RLF: variants seen among roughly 807,000 people sequenced by gnomAD.
RLF encodes the protein RLF zinc finger.
In RLF, 7 loss-of-function variants were observed where a neutral mutation model predicts 162.9. The ratio of observed to expected loss-of-function variants is 0.04; its 90% CI spans 0.02 to 0.08. The LOEUF (loss-of-function observed/expected upper bound fraction) is 0.08, where lower values mean the gene tolerates loss of function less well. Among genes scored for constraint, RLF ranks in the 10% least tolerant of loss-of-function variants. The probability of loss-of-function intolerance (pLI) is 1.00; values close to 1 mark genes in which losing one functional copy is unlikely to be tolerated. For missense variants in RLF, 1,664 were observed against 2,244.7 expected, an observed-to-expected ratio of 0.74 and a Z score of 5.23; for synonymous variants, 782 against 791.5, an observed-to-expected ratio of 0.99 and a Z score of 0.20.
chr1:40,216,455 T>C (rs1642925154), intron 5 of RLF, among the ~76,000 whole-genome samples: 1 of 148,912 alleles, frequency 6.7e-6, no homozygotes, highest in Admixed American at 6.7e-5. Flanking sequence ...GCCATTGCAC[T>C]CCAGCTTGGG....
At chr1:40,185,843 C>CAAAAA (rs33982008) in intron 1 of RLF, among the ~76,000 whole-genome samples, 3 of 67,520 alleles carry the variant, frequency 4.4e-5, no homozygotes, top group African/African-American at 5.8e-5. Context: ...AAAAAAAAAG[C>CAAAAA]AAAAAAAAAA....
intron 6 of RLF, among the ~76,000 whole-genome samples, chr1:40,224,039 T>G (rs1445091120): frequency 6.6e-6 from 1 of 152,244 alleles, no homozygotes; most frequent in Non-Finnish European, 1.5e-5. Flanking sequence ...AGGTTTTCAG[T>G]ACGAATAATA....
rs759543401 is a variant in RLF, at chr1:40,237,510, C to T, written c.2808C>T (p.Ser936=). The part of the protein sequence containing the change: ...LLSNEKVFGP[S]SLKEKCSSMA... ...CTAATGAGAAAGTCTTTGGGCCCTC[C>T]AGTTTAAAAGAAAAATGTTCCAGTA... is the stretch of plus-strand genomic sequence containing the variant. The change falls in exon 8 of 8, where the codon TCC becomes TCT. Residue 936 remains serine, a synonymous_variant. Coordinates refer to ENST00000372771, the MANE Select transcript of RLF (RefSeq NM_012421.4). This position sits in a 1 kb window ranked among gnomAD's most constrained non-coding sequence, Gnocchi z 4.4. 2 of 1,613,910 alleles carry T rather than the reference C, an allele frequency of 1.2e-6. No individual in the cohort carries two copies. Among genetic ancestry groups the T allele is most frequent in the South Asian group, 2.2e-5 (2 of 91,066 alleles).
At chr1:40,178,434 G>C (rs1283765641) in intron 1 of RLF, among the ~76,000 whole-genome samples, 1 of 152,122 alleles carries the variant, frequency 6.6e-6, no homozygotes, top group Admixed American at 6.6e-5. Flanking sequence ...AATGAGTTCA[G>C]AGTTTCAGCT....
rs528178391 is a variant in RLF, at chr1:40,178,700, T to C, written c.238-10355T>C. Among the ~76,000 whole-genome samples the C allele has an allele frequency of 6.5e-3, 967 of 149,664 alleles. 8 individuals carry two copies. Among genetic ancestry groups the C allele is most frequent in the African/African-American group, 0.016 (633 of 40,626 alleles). ...TTTTTGTTTTGTGTTTTTTTTTTTT[T>C]CCCCAGAGATGAGGGCTTGATATAG... On this transcript the variant is annotated intron_variant, in intron 1 of 7. Coordinates refer to ENST00000372771, the MANE Select transcript of RLF (RefSeq NM_012421.4).
At chr1:40,226,777 C>T (rs1643084263) in intron 6 of RLF, among the ~76,000 whole-genome samples, 1 of 152,102 alleles carries the variant, frequency 6.6e-6, no homozygotes, top group Non-Finnish European at 1.5e-5. Flanking sequence ...AATTCTGAAT[C>T]TCAGTGTAAC....
At chr1:40,211,810 C>G (rs897453940) in intron 5 of RLF, among the ~76,000 whole-genome samples, 2 of 152,028 alleles carry the variant, frequency 1.3e-5, no homozygotes, top group Non-Finnish European at 2.9e-5. Context: ...TTAGTAGAAA[C>G]GGGGTTTCAC....
Position 40,236,433 on chromosome 1 carries a change from G to C in RLF, c.1731G>C (p.Met577Ile). 6.2e-7 allele frequency: 1 copy of C among 1,614,020 alleles called. No individual in the cohort carries two copies. The highest frequency in any genetic ancestry group is 8.5e-7 in the Non-Finnish European group (1 of 1,179,960). Residue 577 changes from methionine (M) to isoleucine (I), a missense_variant, in exon 8 of 8, where the codon ATG becomes ATC. Around this residue, in one of 15 missense-constraint regions of RLF, gnomAD observed 31 missense variants for 80.5 expected, o/e 0.39. Transcript: ENST00000372771. This position sits in a 1 kb window ranked among gnomAD's most constrained non-coding sequence, Gnocchi z 7.7. The stretch of plus-strand genomic sequence containing the variant: ...TTCTTCATCATTCTAAGATGCATAT[G>C]GAAGATGGAATTTACACCTGTCCAG... ...ARILHHSKMH[M>I]EDGIYTCPVC...
chr1:40,196,093 C>T (rs1207276085), intron 4 of RLF, among the ~76,000 whole-genome samples: 2 of 150,746 alleles, frequency 1.3e-5, no homozygotes, highest in Non-Finnish European at 3.0e-5. Flanking sequence ...TTTTTTTTCC[C>T]GAGACGTTGT....
At chr1:40,222,743 T>C in intron 6 of RLF, 33 bp downstream of exon 6, 1 of 1,578,834 alleles carries the variant, frequency 6.3e-7, no homozygotes, top group South Asian at 1.1e-5. Context: ...TCTTTATTTG[T>C]TAGTACATAG....
At chr1:40,206,541 A>T (rs996609551) in intron 5 of RLF, among the ~76,000 whole-genome samples, 1 of 152,198 alleles carries the variant, frequency 6.6e-6, no homozygotes, top group African/African-American at 2.4e-5. Flanking sequence ...TCTACATTTT[A>T]TCTTGAAAAT....
chr1:40,206,114 C>G (rs2124544993), intron 5 of RLF, among the ~76,000 whole-genome samples: 1 of 152,324 alleles, frequency 6.6e-6, no homozygotes, highest in South Asian at 2.1e-4. Flanking sequence ...ACCATCTCTA[C>G]TTACAGATTT....
intron 1 of RLF, among the ~76,000 whole-genome samples, chr1:40,182,000 A>G (rs1642410237): frequency 6.6e-6 from 1 of 152,230 alleles, no homozygotes; most frequent in African/African-American, 2.4e-5. Context: ...CATTATGTCC[A>G]TAAATAAATA....
intron 5 of RLF, among the ~76,000 whole-genome samples, chr1:40,209,642 C>T (rs955669241): frequency 6.6e-6 from 1 of 152,036 alleles, no homozygotes; most frequent in Non-Finnish European, 1.5e-5. Context: ...CTTTGGGAGG[C>T]CGAGGCGGGC....
rs572730561 is a variant in RLF at position 40,202,603 on chromosome 1, G to T, written c.799G>T (p.Ala267Ser). The T allele has an allele frequency of 1.3e-6, 2 of 1,516,834 alleles. No individual in the cohort carries two copies. Among genetic ancestry groups the T allele is most frequent in the East Asian group, 2.5e-5 (1 of 39,954 alleles). 94.0% of individuals were successfully genotyped at this position (1,516,834 alleles called of 1,614,324 possible). ...ATGTTCTATGCTCCCTAATGAAGAT[G>T]CTATTAAGGAGGTGAGTAAATAATT... ...CLCSMLPNED[A>S]IKEIAKVDCK... is the part of the protein sequence containing the mutation. Residue 267 changes from alanine to serine, a missense_variant, in exon 5 of 8, where the codon GCT (alanine) becomes TCT (serine). Transcript: ENST00000372771.
chr1:40,197,111 A>G (rs1302183321), intron 4 of RLF, among the ~76,000 whole-genome samples: 1 of 152,120 alleles, frequency 6.6e-6, no homozygotes, highest in Non-Finnish European at 1.5e-5. Flanking sequence ...TTAAGCACCT[A>G]CCATATACAT....
At chr1:40,217,722 A>G (rs1344569004) in intron 5 of RLF, among the ~76,000 whole-genome samples, 1 of 151,858 alleles carries the variant, frequency 6.6e-6, no homozygotes, top group African/African-American at 2.4e-5. Flanking sequence ...CAGTGACCCG[A>G]GATTGCGCCA....
chr1:40,202,684 TA>T, intron 5 of RLF, 70 bp downstream of exon 5: 1 of 929,746 alleles, frequency 1.1e-6, no homozygotes, highest in Non-Finnish European at 1.6e-6. Context: ...TTGCATGGTT[TA>T]TTTTTTCCCT....
chr1:40,229,855 C>T (rs1225417941), intron 6 of RLF, among the ~76,000 whole-genome samples: 1 of 151,970 alleles, frequency 6.6e-6, no homozygotes, highest in Non-Finnish European at 1.5e-5. Flanking sequence ...TGGCTCATGC[C>T]TGTAATCCCA....
Sources: allele counts gnomAD v4.1 joint callset (sites outside exome capture counted in the v4.1 genomes callset), GRCh38; gene constraint gnomAD v4.1.1; regional missense constraint gnomAD v4.1.1; non-coding constraint Gnocchi (gnomAD v3.1); transcripts MANE v1.5; gene names NCBI Gene and HGNC (gene_info 2026-07-23, HGNC 2026-07-21).